Variants in RICTOR observed in about 807,000 individuals in gnomAD.
RICTOR encodes the protein rapamycin-insensitive companion of mTOR.
In RICTOR, 49 loss-of-function variants were observed where a neutral mutation model predicts 214.9. That is an observed-to-expected ratio of 0.23 (90% CI 0.18 to 0.29). The LOEUF is 0.29. Among genes scored for constraint, RICTOR ranks in the 10% least tolerant of loss-of-function variants. The pLI is 1.00. For missense variants in RICTOR, 1,625 were observed against 2,047.0 expected (o/e 0.79, Z 3.98); for synonymous variants, 717 against 711.3 (o/e 1.01, Z -0.13).
At chr5:39,046,775 A>G (rs1445199972) in intron 2 of RICTOR, among the ~76,000 whole-genome samples, 1 of 152,128 alleles carries the variant, frequency 6.6e-6, no homozygotes, top group Non-Finnish European at 1.5e-5. Flanking sequence ...CTTTAACATT[A>G]CCTAAAGCTT....
chr5:38,990,761 A>ATCATATATC (rs1385196331), intron 7 of RICTOR, among the ~76,000 whole-genome samples, 188 bp downstream of exon 7: 1 of 25,844 alleles, frequency 3.9e-5, no homozygotes, highest in African/African-American at 1.0e-4. Flanking sequence ...TATGATATAT[A>ATCATATATC]TGAGATATAT....
At chr5:39,010,682 T>C (rs1754438576) in intron 3 of RICTOR, among the ~76,000 whole-genome samples, 5 of 152,216 alleles carry the variant, frequency 3.3e-5, no homozygotes, top group African/African-American at 1.2e-4. Context: ...TGCTATGCTT[T>C]AACAAAGAGA....
At chr5:38,953,429 G>A (rs772283858) in intron 28 of RICTOR, 32 bp downstream of exon 28, 2 of 927,944 alleles carry the variant, frequency 2.2e-6, no homozygotes, top group East Asian at 2.7e-5. Flanking sequence ...TCTAAAAATT[G>A]CGAAGATCTT....
At position 39,051,065 on chromosome 5, in the gene RICTOR, G is replaced by A. The variant is rs199959409; in HGVS notation, c.97+23046C>T. ...TATACACACACACACACACACACAC[G>A]CACCTACACACACACACACGCGGCA... On this transcript the variant is annotated intron_variant, in intron 2 of 37. Transcript: ENST00000357387. Among the ~76,000 whole-genome samples the A allele has an allele frequency of 2.9e-3, 318 of 110,212 alleles. 1 individual carries two copies. Among genetic ancestry groups the A allele is most frequent in the African/African-American group, 9.4e-3 (305 of 32,324 alleles). 72.3% of individuals were successfully genotyped at this position (110,212 alleles called of 152,430 possible).
At chr5:38,989,815 A>G (rs931650106) in intron 7 of RICTOR, among the ~76,000 whole-genome samples, 1 of 152,220 alleles carries the variant, frequency 6.6e-6, no homozygotes, top group Non-Finnish European at 1.5e-5. Context: ...ATCTCACCCC[A>G]GTAAGAATGG....
At chr5:39,055,737 A>G (rs977566910) in intron 2 of RICTOR, among the ~76,000 whole-genome samples, 5 of 152,216 alleles carry the variant, frequency 3.3e-5, no homozygotes, top group Admixed American at 6.5e-5. Flanking sequence ...CTGCGAGGGA[A>G]GATTGACTTT....
chr5:39,060,075 T>C (rs1205764615), intron 2 of RICTOR, among the ~76,000 whole-genome samples: 1 of 152,100 alleles, frequency 6.6e-6, no homozygotes, highest in Admixed American at 6.6e-5. Flanking sequence ...ATTTTGTCCA[T>C]ATTAGTTATA....
chr5:38,966,945 G>A (rs1750284286), intron 14 of RICTOR: 3 of 605,906 alleles, frequency 5.0e-6, no homozygotes, highest in Non-Finnish European at 2.9e-6. Flanking sequence ...GGACTACAGG[G>A]GTATGCCATC....
intron 2 of RICTOR, among the ~76,000 whole-genome samples, chr5:39,067,238 T>C (rs1203570921): frequency 4.6e-5 from 7 of 152,128 alleles, no homozygotes; most frequent in Non-Finnish European, 1.0e-4. Flanking sequence ...CTGCTCAAGA[T>C]GGAAGGTGAA....
chr5:39,058,458 C>A (rs1363326903), intron 2 of RICTOR, among the ~76,000 whole-genome samples: 1 of 151,994 alleles, frequency 6.6e-6, no homozygotes, highest in African/African-American at 2.4e-5. Flanking sequence ...TCTAATATAT[C>A]TATTAGAAAA....
intron 2 of RICTOR, among the ~76,000 whole-genome samples, chr5:39,068,139 T>C (rs1008452101): frequency 1.3e-5 from 2 of 152,358 alleles, no homozygotes; most frequent in Admixed American, 1.3e-4. Flanking sequence ...AGAAATGGCA[T>C]GTGACCTCAA....
At chr5:39,047,982 T>G (rs1757606505) in intron 2 of RICTOR, among the ~76,000 whole-genome samples, 1 of 152,204 alleles carries the variant, frequency 6.6e-6, no homozygotes, top group Non-Finnish European at 1.5e-5. Context: ...CCAGAAATAG[T>G]TTGTCAACAC....
chr5:38,957,966 G>A (rs779665992), intron 24 of RICTOR, among the ~76,000 whole-genome samples: 11 of 152,074 alleles, frequency 7.2e-5, no homozygotes, highest in Non-Finnish European at 1.6e-4. Context: ...AGCCAGGCAC[G>A]GGGGCTCACG....
rs538024783 is a variant in RICTOR, at chr5:39,001,028, C to T, written c.392+1507G>A. On this transcript the variant is annotated intron_variant, in intron 5 of 37. Coordinates refer to ENST00000357387, the MANE Select transcript of RICTOR (RefSeq NM_152756.5). Reference sequence around the variant, plus strand: ...ATTCAGTATGAAGATGTAAATTCACCCCAAATTAATCTAGAGCATCAATGC... The same window carrying T: ...ATTCAGTATGAAGATGTAAATTCACTCCAAATTAATCTAGAGCATCAATGC... Among the ~76,000 whole-genome samples, 9 of 151,960 alleles carry T rather than the reference C, an allele frequency of 5.9e-5. 1 individual carries two copies. In the South Asian group the frequency reaches 1.9e-3, roughly 32 times the overall value.
At chr5:39,004,776 C>CTTTTTTT in intron 3 of RICTOR, among the ~76,000 whole-genome samples, 1 of 105,818 alleles carries the variant, frequency 9.5e-6, no homozygotes, top group Non-Finnish European at 2.0e-5. Flanking sequence ...CTCTCAGACT[C>CTTTTTTT]TTTTTTTTTT....
At chr5:39,023,184 A>G (rs1200136217) in intron 2 of RICTOR, among the ~76,000 whole-genome samples, 1 of 152,138 alleles carries the variant, frequency 6.6e-6, no homozygotes, top group African/African-American at 2.4e-5. Context: ...AAGACAGTAA[A>G]GCAACATCTT....
chr5:39,011,334 G>C (rs963864270), intron 3 of RICTOR, among the ~76,000 whole-genome samples: 1 of 152,220 alleles, frequency 6.6e-6, no homozygotes, highest in Non-Finnish European at 1.5e-5. Flanking sequence ...GAAAATGCTT[G>C]CATGTCCAGG....
chr5:39,033,283 T>C (rs958235791), intron 2 of RICTOR, among the ~76,000 whole-genome samples: 1 of 151,594 alleles, frequency 6.6e-6, no homozygotes, highest in African/African-American at 2.4e-5. Context: ...GGGAACAGAC[T>C]CTTGCTCTGT....
At chr5:38,995,001 C>T (rs186202090) in intron 6 of RICTOR, among the ~76,000 whole-genome samples, 78 of 152,128 alleles carry the variant, frequency 5.1e-4, no homozygotes, top group Middle Eastern at 3.4e-3. Flanking sequence ...TAAAGTTTTC[C>T]GGGGGCTCCA....
Sources: allele counts gnomAD v4.1 joint callset (sites outside exome capture counted in the v4.1 genomes callset), GRCh38; gene constraint gnomAD v4.1.1; transcripts MANE v1.5; gene names NCBI Gene and HGNC (gene_info 2026-07-23, HGNC 2026-07-21).